The following ARSB variants were observed in gnomAD, a reference collection of about 807,000 sequenced individuals.
ARSB encodes the protein arylsulfatase B.
Under a neutral mutation model 50.9 loss-of-function variants are expected in ARSB, and 41 were observed. That is an observed-to-expected ratio of 0.81 (90% confidence interval 0.63 to 1.04). The LOEUF is 1.04. Among genes scored for constraint, ARSB ranks in the 50% least tolerant of loss-of-function variants. The pLI is 0.00. For missense variants in ARSB, 672 were observed against 693.3 expected (o/e 0.97, Z 0.35); for synonymous variants, 269 against 284.8 (o/e 0.94, Z 0.56).
intron 6 of ARSB, among the ~76,000 whole-genome samples, chr5:78,797,798 C>T (rs1184717315): frequency 1.2e-4 from 18 of 152,128 alleles, no homozygotes; most frequent in Admixed American, 1.1e-3. Context: ...AAACTGGGTG[C>T]CTTGTCTCCA....
chr5:78,890,779 C>T (rs1043079313), intron 4 of ARSB, among the ~76,000 whole-genome samples: 8 of 152,270 alleles, frequency 5.3e-5, no homozygotes, highest in South Asian at 4.1e-4. Flanking sequence ...GCTTCAGTCA[C>T]GTAGAACTAA....
At chr5:78,870,545 C>T (rs1460452945) in intron 5 of ARSB, among the ~76,000 whole-genome samples, 2 of 149,876 alleles carry the variant, frequency 1.3e-5, no homozygotes, top group South Asian at 2.1e-4. Context: ...AGCATATAAA[C>T]AGAGCCAAAG....
chr5:78,866,877 G>T (rs536978269), intron 5 of ARSB, among the ~76,000 whole-genome samples: 2 of 152,206 alleles, frequency 1.3e-5, no homozygotes, highest in Non-Finnish European at 2.9e-5. Context: ...CGCAGAAGAC[G>T]GGTGATTTCT....
chr5:78,985,357 A>C, upstream of ARSB: 1 of 1,092,492 alleles, frequency 9.2e-7, no homozygotes, highest in Non-Finnish European at 1.2e-6. Context: ...GCGGGACGGC[A>C]CCCCCAGCGG....
upstream of ARSB, chr5:78,985,524 A>G (rs534158632): frequency 3.8e-4 from 100 of 260,120 alleles, 3 homozygotes; most frequent in South Asian, 0.016. Context: ...AAGGCCCGTT[A>G]TCTTCCCCGG....
rs1288505940 is a variant in ARSB at position 78,870,326 on chromosome 5, C to T, written c.1142+15258G>A. Among the ~76,000 whole-genome samples the T allele has an allele frequency of 1.6e-4, 13 of 82,816 alleles. 5 individuals carry two copies. The highest frequency in any genetic ancestry group is 6.6e-4 in the African/African-American group (13 of 19,826). The allele number at this position is 82,816 out of a possible 152,430, so 54.3% of individuals were successfully genotyped here. ...CTAACTCATTTTATGAGTCCAGCAT[C>T]ATCCTGATACCAAAGCCAGGCAGAG... On this transcript the variant is annotated intron_variant, in intron 5 of 7. Transcript: ENST00000264914.
intron 6 of ARSB, among the ~76,000 whole-genome samples, chr5:78,821,865 G>A (rs1402929050): frequency 2.6e-5 from 4 of 152,100 alleles, no homozygotes; most frequent in Non-Finnish European, 5.9e-5. Flanking sequence ...TAACTAAACT[G>A]CTGATGCCAT....
rs532908098 is a variant in ARSB, at chr5:78,792,644, A to G, written c.1214-10670T>C. Among the ~76,000 whole-genome samples, 49 of 152,346 alleles carry G rather than the reference A, an allele frequency of 3.2e-4. 1 individual carries two copies. The highest frequency in any genetic ancestry group is 5.6e-4 in the Non-Finnish European group (38 of 68,036). On this transcript the variant is annotated intron_variant, in intron 6 of 7. Transcript: ENST00000264914. ...CTAAATAGAATGAGTGTGAAGAGGA[A>G]ATAAGATTCTACACGTAGTGAGCAT...
chr5:78,848,437 G>A (rs1226356034), intron 5 of ARSB, among the ~76,000 whole-genome samples: 2 of 150,282 alleles, frequency 1.3e-5, no homozygotes, highest in Admixed American at 6.6e-5. Flanking sequence ...GTGTATATGT[G>A]CCACATTTTC....
chr5:78,780,646 G>A lies in ARSB; in HGVS notation c.1353C>T (p.Phe451=), dbSNP rs2112617431. The A allele has an allele frequency of 1.2e-6, 2 of 1,614,084 alleles. No homozygotes were observed. The highest frequency in any genetic ancestry group is 1.7e-6 in the Non-Finnish European group (2 of 1,180,014). Reference sequence around the variant, plus strand: ...AAACATTGTATTGAGACGGTGGAGGGAACCAGTAACCACAGCCTAGCAAAG... The same window carrying A: ...AAACATTGTATTGAGACGGTGGAGGAAACCAGTAACCACAGCCTAGCAAAG... ...LTGYPGCGYW[F]PPPSQYNVSE... Residue 451 remains phenylalanine (F), a synonymous_variant, in exon 8 of 8, where the codon TTC becomes TTT. Transcript: ENST00000264914.
intron 3 of ARSB, among the ~76,000 whole-genome samples, chr5:78,958,563 T>G (rs1751836768): frequency 6.6e-6 from 1 of 152,218 alleles, no homozygotes; most frequent in Non-Finnish European, 1.5e-5. Flanking sequence ...CCTTAGTAGC[T>G]AAAGACATTA....
intron 6 of ARSB, among the ~76,000 whole-genome samples, chr5:78,804,520 GA>G (rs1743498211): frequency 6.6e-6 from 1 of 152,218 alleles, no homozygotes; most frequent in Admixed American, 6.5e-5. Context: ...CAAGCAGGGT[GA>G]AAACACCACT....
intron 6 of ARSB, among the ~76,000 whole-genome samples, chr5:78,803,753 T>C (rs1743474074): frequency 6.6e-6 from 1 of 152,222 alleles, no homozygotes; most frequent in South Asian, 2.1e-4. Flanking sequence ...AGACCAGAGG[T>C]CTTCCCCCAT....
At chr5:78,799,854 A>C (rs928050789) in intron 6 of ARSB, among the ~76,000 whole-genome samples, 1 of 152,222 alleles carries the variant, frequency 6.6e-6, no homozygotes, top group Non-Finnish European at 1.5e-5. Flanking sequence ...GGCAGATGAA[A>C]AATCTGGATA....
chr5:78,862,150 T>C (rs1446524275), intron 5 of ARSB, among the ~76,000 whole-genome samples: 1 of 152,170 alleles, frequency 6.6e-6, no homozygotes, highest in Non-Finnish European at 1.5e-5. Context: ...TCCATGCTCA[T>C]GGATAGGAAG....
intron 4 of ARSB, among the ~76,000 whole-genome samples, chr5:78,927,914 T>C (rs983193745): frequency 4.6e-5 from 7 of 152,090 alleles, no homozygotes; most frequent in Non-Finnish European, 7.4e-5. Flanking sequence ...GGAGATGAAA[T>C]TGAAGACTCA....
chr5:78,914,833 A>C (rs974337711), intron 4 of ARSB, among the ~76,000 whole-genome samples: 3 of 151,936 alleles, frequency 2.0e-5, no homozygotes, highest in Non-Finnish European at 2.9e-5. Flanking sequence ...CGCCCAGCTA[A>C]TTTTTCTGTT....
At chr5:78,867,287 C>T (rs1354351495) in intron 5 of ARSB, among the ~76,000 whole-genome samples, 9 of 152,086 alleles carry the variant, frequency 5.9e-5, no homozygotes, top group South Asian at 2.1e-4. Flanking sequence ...ACAAAGCAGC[C>T]GGGAAGCTCG....
intron 4 of ARSB, among the ~76,000 whole-genome samples, chr5:78,928,596 G>A (rs936357983): frequency 1.3e-5 from 2 of 152,140 alleles, no homozygotes; most frequent in Admixed American, 1.3e-4. Context: ...GATTACAGGC[G>A]TGAGCCGCCA....
Sources: gnomAD v4.1 joint callset for allele counts (sites outside exome capture counted in the v4.1 genomes callset) on GRCh38, gnomAD v4.1.1 for gene constraint, MANE v1.5 for transcripts, NCBI Gene and HGNC (gene_info 2026-07-23, HGNC 2026-07-21) for gene names.